Variants in ERC2 observed in about 807,000 individuals in gnomAD.
The protein encoded by ERC2 is ERC protein 2.
A neutral mutation model predicts 114.8 loss-of-function variants in ERC2; 42 were observed. The ratio of observed to expected loss-of-function variants is 0.37; its 90% confidence interval spans 0.29 to 0.47. ERC2 has a LOEUF of 0.47. Ranked by LOEUF, ERC2 falls within the 20% of genes least tolerant of loss-of-function variation. ERC2 has a pLI of 0.99. For synonymous variants in ERC2, 454 were observed against 425.5 expected (o/e 1.07, Z -0.82); for missense variants, 939 against 1,150.7 (o/e 0.82, Z 2.66).
intron 3 of ERC2, among the ~76,000 whole-genome samples, chr3:56,274,087 G>A (rs1018974045): frequency 2.6e-5 from 4 of 152,200 alleles, no homozygotes; most frequent in Admixed American, 6.5e-5. Context: ...TGGCCTGTTA[G>A]GAATTAGACC....
At chr3:55,917,108 T>G (rs2065143441) in intron 13 of ERC2, among the ~76,000 whole-genome samples, 1 of 152,136 alleles carries the variant, frequency 6.6e-6, no homozygotes, top group Admixed American at 6.5e-5. Flanking sequence ...ACTCACTAGT[T>G]CCCAAAATTC....
chr3:56,436,187 A>G (rs2062010588), intron 1 of ERC2, among the ~76,000 whole-genome samples: 2 of 152,180 alleles, frequency 1.3e-5, no homozygotes, highest in Admixed American at 1.3e-4. Context: ...AGATTTGAGA[A>G]AGGCAAACAG....
chr3:56,035,162 C>A (rs1297054760), intron 7 of ERC2, among the ~76,000 whole-genome samples: 1 of 151,878 alleles, frequency 6.6e-6, no homozygotes, highest in African/African-American at 2.4e-5. Context: ...CACAGAAATA[C>A]AAAGGATTAT....
intron 1 of ERC2, among the ~76,000 whole-genome samples, chr3:56,455,124 G>A (rs2063006831): frequency 6.6e-6 from 1 of 151,880 alleles, no homozygotes; most frequent in South Asian, 2.1e-4. Flanking sequence ...ATTGATGGTG[G>A]TGATGGCTGT....
chr3:55,848,931 T>G (rs559273001), intron 14 of ERC2, among the ~76,000 whole-genome samples: 2 of 152,344 alleles, frequency 1.3e-5, no homozygotes, highest in Non-Finnish European at 2.9e-5. Flanking sequence ...AGGCAGTTTT[T>G]TTGTTGTTGT....
chr3:56,063,122 T>C (rs950185541), intron 7 of ERC2, among the ~76,000 whole-genome samples: 2 of 152,272 alleles, frequency 1.3e-5, no homozygotes, highest in Admixed American at 1.3e-4. Context: ...CGAAAGTCTA[T>C]CCATATACAG....
At chr3:55,622,183 G>A (rs756365343) in intron 17 of ERC2, among the ~76,000 whole-genome samples, 3 of 152,114 alleles carry the variant, frequency 2.0e-5, no homozygotes, top group East Asian at 1.9e-4. Context: ...CTTTGCTTTC[G>A]ATGACCAAAA....
At chr3:55,837,273 T>C (rs1336796634) in intron 14 of ERC2, among the ~76,000 whole-genome samples, 1 of 152,218 alleles carries the variant, frequency 6.6e-6, no homozygotes, top group Non-Finnish European at 1.5e-5. Flanking sequence ...CAAAGGATTA[T>C]AAATCATGCC....
chr3:55,586,702 G>A lies in ERC2; in HGVS notation c.*40-75426C>T, dbSNP rs139138710. Among the ~76,000 whole-genome samples, 682 of 152,292 alleles carry A rather than the reference G, an allele frequency of 4.5e-3. 3 individuals carry two copies. Among genetic ancestry groups the A allele is most frequent in the African/African-American group, 0.016 (652 of 41,566 alleles). On this transcript the variant is annotated intron_variant, in intron 17 of 17. Coordinates refer to ENST00000288221, the MANE Select transcript of ERC2 (RefSeq NM_015576.3). The stretch of plus-strand genomic sequence containing the variant: ...TTACCGTAGGAAAGAAAATGCAAAT[G>A]CCTTGAAAGGAGTATTTATATCATC...
chr3:56,391,824 C>A (rs561888514), intron 2 of ERC2, among the ~76,000 whole-genome samples: 1 of 152,032 alleles, frequency 6.6e-6, no homozygotes, highest in South Asian at 2.1e-4. Flanking sequence ...TTTTATTTGC[C>A]AAATTAATTA....
At chr3:56,391,888 G>C (rs562927594) in intron 2 of ERC2, among the ~76,000 whole-genome samples, 1 of 152,034 alleles carries the variant, frequency 6.6e-6, no homozygotes, top group Non-Finnish European at 1.5e-5. Flanking sequence ...CTCTGTCCCC[G>C]AGGCATCATA....
At chr3:55,699,289 T>G in intron 16 of ERC2, 89 bp downstream of exon 16, 2 of 1,486,846 alleles carry the variant, frequency 1.3e-6, no homozygotes, top group Non-Finnish European at 1.9e-6. Context: ...CACTTTATGA[T>G]GTTTATTATT....
intron 1 of ERC2, among the ~76,000 whole-genome samples, chr3:56,444,275 C>G (rs965582826): frequency 6.6e-6 from 1 of 151,918 alleles, no homozygotes; most frequent in African/African-American, 2.4e-5. Context: ...CCCGCCAATA[C>G]CTGCCAATCT....
intron 14 of ERC2, among the ~76,000 whole-genome samples, chr3:55,834,300 A>G (rs2149196743): frequency 6.6e-6 from 1 of 152,248 alleles, no homozygotes; most frequent in East Asian, 1.9e-4. Flanking sequence ...AAATCAACAG[A>G]ATATACATTT....
chr3:56,336,003 C>T (rs546886530), intron 2 of ERC2, among the ~76,000 whole-genome samples: 16 of 152,278 alleles, frequency 1.1e-4, no homozygotes, highest in South Asian at 6.2e-4. Flanking sequence ...GAAGTATCTA[C>T]CCTACCTTGT....
chr3:56,395,618 G>A (rs955501617), intron 2 of ERC2, among the ~76,000 whole-genome samples: 41 of 152,218 alleles, frequency 2.7e-4, no homozygotes, highest in African/African-American at 8.7e-4. Context: ...TCCTGCTTTC[G>A]CCATGTGATG....
chr3:56,051,072 T>A (rs1237139976), intron 7 of ERC2, among the ~76,000 whole-genome samples: 2 of 152,140 alleles, frequency 1.3e-5, no homozygotes, highest in African/African-American at 4.8e-5. Flanking sequence ...AAGTACTTTC[T>A]ACCCAACAGA....
intron 9 of ERC2, among the ~76,000 whole-genome samples, chr3:56,009,769 A>G (rs2072772932): frequency 6.6e-6 from 1 of 152,214 alleles, no homozygotes; most frequent in Non-Finnish European, 1.5e-5. Context: ...GATCCCTTGA[A>G]GAATGGGGGA....
At chr3:55,594,776 G>A (rs768015606) in intron 17 of ERC2, among the ~76,000 whole-genome samples, 1 of 152,126 alleles carries the variant, frequency 6.6e-6, no homozygotes, top group Non-Finnish European at 1.5e-5. Context: ...GAGCCACTGC[G>A]CCTGGCCAGT....
Sources: gnomAD v4.1 joint callset for allele counts (sites outside exome capture counted in the v4.1 genomes callset) on GRCh38, gnomAD v4.1.1 for gene constraint, MANE v1.5 for transcripts, NCBI Gene and HGNC (gene_info 2026-07-23, HGNC 2026-07-21) for gene names.